Variants in KIFAP3 observed in about 807,000 individuals in gnomAD.
KIFAP3 encodes the protein kinesin associated protein 3, also known as kinesin-associated protein 3.
A neutral mutation model predicts 106.5 loss-of-function variants in KIFAP3; 68 were observed. The observed-to-expected ratio is 0.64, with a 90% CI of 0.53 to 0.78. The LOEUF (loss-of-function observed/expected upper bound fraction) is 0.78. Ranked by LOEUF, KIFAP3 falls within the 30% of genes least tolerant of loss-of-function variation. KIFAP3 has a pLI of 0.00. For synonymous variants in KIFAP3, 320 were observed against 311.5 expected, an observed-to-expected ratio of 1.03 and a Z score of -0.29; for missense variants, 780 against 941.8, an observed-to-expected ratio of 0.83 and a Z score of 2.25.
At chr1:170,060,223 G>T (rs943970474) in intron 1 of KIFAP3, among the ~76,000 whole-genome samples, 1 of 152,130 alleles carries the variant, frequency 6.6e-6, no homozygotes, top group African/African-American at 2.4e-5. Flanking sequence ...AAGTCAAATT[G>T]TCCCTGTTTG....
intron 11 of KIFAP3, 26 bp from the exon 12 acceptor site, chr1:169,984,716 T>C (rs1666723271): frequency 7.6e-7 from 1 of 1,313,210 alleles, no homozygotes; most frequent in Admixed American, 1.8e-5. Context: ...GGGCACATTT[T>C]ACTCAAGAAA....
chr1:170,004,125 A>G (rs1439325349), intron 10 of KIFAP3, among the ~76,000 whole-genome samples: 2 of 152,088 alleles, frequency 1.3e-5, no homozygotes, highest in East Asian at 3.9e-4. Flanking sequence ...AAGAGAATAA[A>G]ATACCTAGGA....
rs563914092 is a variant in KIFAP3, at chr1:170,028,690, T to A, written c.841+3196A>T. On this transcript the variant is annotated intron_variant, in intron 8 of 19. Coordinates refer to ENST00000361580, the MANE Select transcript of KIFAP3 (RefSeq NM_014970.4). Reference sequence around the variant, plus strand: ...AGTATAATAAATGTTAGTAATAGCATAGAGTTGGGAGAGGGAAGAAATGAT... The same window carrying A: ...AGTATAATAAATGTTAGTAATAGCAAAGAGTTGGGAGAGGGAAGAAATGAT... Among the ~76,000 whole-genome samples the A allele has an allele frequency of 1.3e-3, 201 of 152,226 alleles. 1 individual carries two copies. The highest frequency in any genetic ancestry group is 2.4e-3 in the Non-Finnish European group (164 of 68,000).
At chr1:169,981,049 C>T (rs977864386) in intron 15 of KIFAP3, among the ~76,000 whole-genome samples, 5 of 151,980 alleles carry the variant, frequency 3.3e-5, no homozygotes, top group African/African-American at 7.3e-5. Context: ...TGTGGTGAGC[C>T]GAGATCATGC....
At position 170,074,550 on chromosome 1, in the gene KIFAP3, C is replaced by A; in HGVS notation, c.-83G>T. 1.2e-6 allele frequency: 2 copies of A among 1,602,674 alleles called. No individual in the cohort carries two copies. The highest frequency in any genetic ancestry group is 1.1e-5 in the South Asian group (1 of 89,102). ...TTTCCGGGGACGGTGGCCAAAGTAC[C>A]CTCACACCCAGAGGCGATGACAGTC... On this transcript the variant is annotated 5_prime_UTR_variant, in exon 1 of 20. Coordinates refer to ENST00000361580, the MANE Select transcript of KIFAP3 (RefSeq NM_014970.4).
intron 19 of KIFAP3, among the ~76,000 whole-genome samples, chr1:169,924,161 T>C (rs905817335): frequency 5.3e-5 from 8 of 152,204 alleles, no homozygotes; most frequent in Non-Finnish European, 1.0e-4. Context: ...GTCATGCACA[T>C]TGTTGATAAA....
intron 8 of KIFAP3, among the ~76,000 whole-genome samples, chr1:170,028,483 G>A (rs1192275845): frequency 1.5e-4 from 23 of 151,984 alleles, no homozygotes; most frequent in Admixed American, 1.1e-3. Flanking sequence ...GACTACAGGC[G>A]TGTGCCACCA....
chr1:169,926,873 T>C (rs12385721), intron 19 of KIFAP3, among the ~76,000 whole-genome samples: 8 of 152,238 alleles, frequency 5.3e-5, no homozygotes, highest in African/African-American at 1.7e-4. Context: ...TCAGGTAATA[T>C]TGAAGGCTGG....
intron 15 of KIFAP3, 93 bp downstream of exon 15, chr1:169,981,879 A>ATT: frequency 9.5e-7 from 1 of 1,047,266 alleles, no homozygotes; most frequent in Non-Finnish European, 1.4e-6. Flanking sequence ...ATGTAATGAG[A>ATT]AAAACAGATT....
At chr1:170,074,323 C>A in intron 1 of KIFAP3, 113 bp downstream of exon 1, 2 of 1,260,500 alleles carry the variant, frequency 1.6e-6, no homozygotes, top group Non-Finnish European at 2.3e-6. Flanking sequence ...TCTCTCCCTG[C>A]TTCCCATCCC....
chr1:169,930,282 T>C (rs1485378393), intron 19 of KIFAP3, among the ~76,000 whole-genome samples: 5 of 152,248 alleles, frequency 3.3e-5, no homozygotes, highest in Non-Finnish European at 5.9e-5. Flanking sequence ...GTTAGAGCGC[T>C]TGTCGTGTAC....
intron 19 of KIFAP3, among the ~76,000 whole-genome samples, chr1:169,930,794 C>T (rs1451375561): frequency 1.3e-5 from 2 of 152,078 alleles, no homozygotes; most frequent in Non-Finnish European, 2.9e-5. Flanking sequence ...TGAACTTAGT[C>T]ATATAAATTT....
rs181854290 is a variant in KIFAP3 at position 170,045,486 on chromosome 1, C to T, written c.319+1226G>A. On this transcript the variant is annotated intron_variant, in intron 3 of 19. Coordinates refer to ENST00000361580, the MANE Select transcript of KIFAP3 (RefSeq NM_014970.4). The stretch of plus-strand genomic sequence containing the variant: ...CTATATGGCCAACGAATATTCTTGC[C>T]ATACTTTATGCAAATAGTCAGGCAA... 2.0e-5 allele frequency among the ~76,000 whole-genome samples: 3 copies of T among 152,248 alleles called. No individual in the cohort carries two copies. In the East Asian group the frequency reaches 5.8e-4, roughly 29 times the overall value.
intron 15 of KIFAP3, among the ~76,000 whole-genome samples, chr1:169,980,401 G>C (rs1558215684): frequency 6.6e-6 from 1 of 152,088 alleles, no homozygotes; most frequent in East Asian, 1.9e-4. Context: ...TAAGATCCTA[G>C]AGAACTTGGC....
chr1:170,002,655 A>G (rs1557827943), intron 10 of KIFAP3, among the ~76,000 whole-genome samples: 1 of 152,236 alleles, frequency 6.6e-6, no homozygotes, highest in Non-Finnish European at 1.5e-5. Flanking sequence ...CCATACGTTT[A>G]TCACTGACCA....
chr1:170,001,273 T>C (rs1413861064), intron 10 of KIFAP3, among the ~76,000 whole-genome samples: 3 of 152,146 alleles, frequency 2.0e-5, no homozygotes, highest in African/African-American at 7.2e-5. Context: ...TTCTAGCCTG[T>C]ATGTCCAAAT....
rs551845394 is a variant in KIFAP3, at chr1:170,046,839, G to A, written c.192C>T (p.Asn64=). The A allele has an allele frequency of 6.2e-7, 1 of 1,608,034 alleles. No individual in the cohort carries two copies. Among genetic ancestry groups the A allele is most frequent in the Admixed American group, 1.7e-5 (1 of 59,340 alleles). The change falls in exon 3 of 20, where the codon AAC becomes AAT. Residue 64 remains asparagine, a synonymous_variant. Coordinates refer to ENST00000361580, the MANE Select transcript of KIFAP3 (RefSeq NM_014970.4). The part of the protein sequence containing the change: ...KIIRLKSLNA[N]TDITSLARKV... ...TCCTTGCCAGGGAAGTTATATCTGT[G>A]TTGGCATTGAGACTCTTAAGTCGAA... is the stretch of plus-strand genomic sequence containing the variant.
chr1:169,924,677 T>C (rs1480918911), intron 19 of KIFAP3, among the ~76,000 whole-genome samples: 1 of 152,180 alleles, frequency 6.6e-6, no homozygotes, highest in Non-Finnish European at 1.5e-5. Context: ...TCTAGGATGC[T>C]AAAACCTGGA....
At chr1:170,050,010 G>C (rs1431040519) in intron 2 of KIFAP3, among the ~76,000 whole-genome samples, 1 of 152,180 alleles carries the variant, frequency 6.6e-6, no homozygotes. Context: ...AATGCCAGAA[G>C]TAGGCATCAG....
Sources: allele counts gnomAD v4.1 joint callset (sites outside exome capture counted in the v4.1 genomes callset), GRCh38; gene constraint gnomAD v4.1.1; transcripts MANE v1.5; gene names NCBI Gene and HGNC (gene_info 2026-07-23, HGNC 2026-07-21).